Variants in CELA2B observed in about 807,000 individuals in gnomAD.
CELA2B encodes chymotrypsin like elastase 2B.
In CELA2B, 27 loss-of-function variants were observed where a neutral mutation model predicts 36.5. The observed-to-expected ratio is 0.74, with a 90% CI of 0.55 to 1.02. CELA2B has a LOEUF of 1.02. CELA2B is among the 50% of genes least tolerant of loss of function. The pLI is 0.00. For missense variants in CELA2B, 340 were observed against 347.8 expected, an observed-to-expected ratio of 0.98 and a Z score of 0.18; for synonymous variants, 143 against 148.5, an observed-to-expected ratio of 0.96 and a Z score of 0.27.
At chr1:15,477,438 GGACT>G (rs749675781) in intron 2 of CELA2B, among the ~76,000 whole-genome samples, 39 of 151,942 alleles carry the variant, frequency 2.6e-4, no homozygotes, top group Non-Finnish European at 5.0e-4. Flanking sequence ...GATATAATTG[GGACT>G]GACTAAATGA....
In CELA2B at chr1:15,478,565, ATTT is replaced by A. The variant is rs71002905; in HGVS notation, c.129+2035_129+2037del. Among the ~76,000 whole-genome samples, 1,036 of 125,216 alleles carry A rather than the reference ATTT, an allele frequency of 8.3e-3. 11 individuals carry two copies. The highest frequency in any genetic ancestry group is 0.026 in the African/African-American group (875 of 33,100). 82.1% of individuals were successfully genotyped at this position (125,216 alleles called of 152,430 possible). A position where few individuals can be genotyped will look rare whatever the true frequency, so the allele number is the denominator to read the frequency against. On this transcript the variant is annotated intron_variant, in intron 2 of 7. Transcript: ENST00000375910. Reference sequence around the variant, plus strand: ...GCCAAGAGGAATAATATTTTAATGCATTTTTTTTTTTTTTTTTGGAGGCAGAGT... The same window carrying A: ...GCCAAGAGGAATAATATTTTAATGCATTTTTTTTTTTTTTGGAGGCAGAGT...
At chr1:15,490,357 C>A (rs1708866575) in intron 7 of CELA2B, among the ~76,000 whole-genome samples, 1 of 152,184 alleles carries the variant, frequency 6.6e-6, no homozygotes, top group Non-Finnish European at 1.5e-5. Flanking sequence ...CACCTTATCA[C>A]ATTTTACATG....
chr1:15,489,390 G>A (rs1206854510), intron 7 of CELA2B, among the ~76,000 whole-genome samples: 2 of 152,198 alleles, frequency 1.3e-5, no homozygotes, highest in Non-Finnish European at 2.9e-5. Context: ...GAGAGCAGTC[G>A]GGACAGGCAC....
Position 15,487,416 on chromosome 1 carries a change from C to G in CELA2B, c.771C>G (p.Asn257Lys), listed in dbSNP as rs768216076. ...YKPSIFTRVS[N>K]YNDWINSVIA... ...CCTCCATCTTCACGCGGGTCTCCAACTACAACGACTGGATCAATTCGGTAA... is the reference window on the plus strand; with the variant it reads ...CCTCCATCTTCACGCGGGTCTCCAAGTACAACGACTGGATCAATTCGGTAA... The change falls in exon 7 of 8, where the codon AAC becomes AAG. Residue 257 changes from asparagine (N) to lysine (K), a missense_variant. Physicochemically the swap from Asn to Lys is moderately conservative, Grantham distance 94. Coordinates refer to ENST00000375910, the MANE Select transcript of CELA2B (RefSeq NM_015849.3). 6.2e-7 allele frequency: 1 copy of G among 1,614,268 alleles called. No homozygotes were observed. The highest frequency in any genetic ancestry group is 1.7e-5 in the Admixed American group (1 of 60,026).
At chr1:15,488,608 T>A (rs1390148173) in intron 7 of CELA2B, among the ~76,000 whole-genome samples, 1 of 152,168 alleles carries the variant, frequency 6.6e-6, no homozygotes, top group African/African-American at 2.4e-5. Flanking sequence ...AAAGTGGGAC[T>A]TGAACTAGAC....
intron 2 of CELA2B, among the ~76,000 whole-genome samples, chr1:15,477,776 T>C (rs1326112365): frequency 6.6e-6 from 1 of 152,222 alleles, no homozygotes. Flanking sequence ...CACAACTCTC[T>C]TTCTGAACTC....
chr1:15,485,551 C>T (rs1708793695), intron 5 of CELA2B, among the ~76,000 whole-genome samples: 1 of 152,240 alleles, frequency 6.6e-6, no homozygotes, highest in Non-Finnish European at 1.5e-5. Flanking sequence ...TGAGAAATTT[C>T]TTTCTTTGTG....
At chr1:15,483,489 T>A in intron 5 of CELA2B, 89 bp downstream of exon 5, 1 of 1,585,802 alleles carries the variant, frequency 6.3e-7, no homozygotes, top group East Asian at 2.2e-5. Flanking sequence ...TCACATGTTA[T>A]CCTGGGCATG....
chr1:15,483,134 G>A, intron 4 of CELA2B, 130 bp from the exon 5 acceptor site: 1 of 1,411,672 alleles, frequency 7.1e-7, no homozygotes, highest in East Asian at 2.4e-5. Flanking sequence ...AACATGCCCT[G>A]TGGGCCCTGC....
intron 6 of CELA2B, among the ~76,000 whole-genome samples, chr1:15,486,573 G>A (rs1309520482): frequency 2.0e-5 from 3 of 152,202 alleles, no homozygotes; most frequent in Non-Finnish European, 4.4e-5. Context: ...GTCCTTCCCT[G>A]GGTCTCATCA....
intron 7 of CELA2B, among the ~76,000 whole-genome samples, chr1:15,489,824 T>C (rs1476749526): frequency 4.0e-5 from 6 of 151,584 alleles, no homozygotes; most frequent in Admixed American, 1.3e-4. Flanking sequence ...AAAGTAGAAG[T>C]CCCCCCTCAT....
chr1:15,477,089 A>G (rs1256809065), intron 2 of CELA2B, among the ~76,000 whole-genome samples: 22 of 152,210 alleles, frequency 1.4e-4, no homozygotes, highest in Admixed American at 1.4e-3. Context: ...CACTGCCCAT[A>G]AACAAATTTA....
intron 7 of CELA2B, among the ~76,000 whole-genome samples, chr1:15,490,428 G>T (rs1158926450): frequency 1.3e-5 from 2 of 152,176 alleles, no homozygotes; most frequent in Non-Finnish European, 2.9e-5. Context: ...TGAGTGTAAT[G>T]AATGCAGCTT....
chr1:15,488,228 A>ATT (rs546435622), intron 7 of CELA2B, among the ~76,000 whole-genome samples: 4 of 149,194 alleles, frequency 2.7e-5, no homozygotes, highest in African/African-American at 9.8e-5. Context: ...CTTTACAAAG[A>ATT]TTTTTTTTTT....
At chr1:15,487,506 C>T (rs45626835) in intron 7 of CELA2B, 69 bp downstream of exon 7, 1 of 1,570,372 alleles carries the variant, frequency 6.4e-7, no homozygotes. Context: ...GTGCCATGCC[C>T]ACCTGGCGAC....
intron 2 of CELA2B, among the ~76,000 whole-genome samples, chr1:15,479,048 T>C (rs955784526): frequency 5.9e-5 from 9 of 152,308 alleles, no homozygotes; most frequent in African/African-American, 1.9e-4. Flanking sequence ...AGCTACACTT[T>C]GCTGGCCACA....
At chr1:15,491,199 G>C in intron 7 of CELA2B, 96 bp from the exon 8 acceptor site, 1 of 1,458,168 alleles carries the variant, frequency 6.9e-7, no homozygotes, top group Non-Finnish European at 9.6e-7. Context: ...TGACTCACTT[G>C]AGTAGCTTAG....
intron 3 of CELA2B, chr1:15,481,614 G>C (rs1708742590): frequency 2.1e-6 from 1 of 478,532 alleles, no homozygotes; most frequent in Non-Finnish European, 4.3e-6. Context: ...CACTTATTAA[G>C]TGCTCAATGA....
In CELA2B at chr1:15,491,367, A is replaced by G; in HGVS notation, c.*55A>G. 6.3e-7 allele frequency: 1 copy of G among 1,597,182 alleles called. No individual in the cohort carries two copies. Among genetic ancestry groups the G allele is most frequent in the Non-Finnish European group, 8.6e-7 (1 of 1,164,640 alleles). ...CTTGGAAAGGTCACAGAAGGAAAAT[A>G]ATATTATATAAAGTGACAACTATGC... On this transcript the variant is annotated 3_prime_UTR_variant, in exon 8 of 8. Transcript: ENST00000375910.
Sources: allele counts gnomAD v4.1 joint callset (sites outside exome capture counted in the v4.1 genomes callset), GRCh38; gene constraint gnomAD v4.1.1; transcripts MANE v1.5; gene names NCBI Gene and HGNC (gene_info 2026-07-23, HGNC 2026-07-21).